Variants in TP53BP1 observed in about 807,000 individuals in gnomAD.
TP53BP1 encodes the protein TP53-binding protein 1.
TP53BP1 carries 61 observed loss-of-function variants against 200.8 expected under a neutral mutation model. That is an observed-to-expected ratio of 0.30 (90% CI 0.25 to 0.38). The LOEUF is 0.38. Ranked by LOEUF, TP53BP1 falls within the 10% of genes least tolerant of loss-of-function variation. The pLI is 1.00. For synonymous variants in TP53BP1, 822 were observed against 844.3 expected, an observed-to-expected ratio of 0.97 and a Z score of 0.46; for missense variants, 2,144 against 2,371.9, an observed-to-expected ratio of 0.90 and a Z score of 2.00.
Position 43,404,306 on chromosome 15 carries a change from G to A in TP53BP1, c.*3077C>T. The A allele has an allele frequency of 7.0e-7, 1 of 1,422,326 alleles. No individual in the cohort carries two copies. The highest frequency in any genetic ancestry group is 9.5e-7 in the Non-Finnish European group (1 of 1,051,392). The allele number at this position is 1,422,326 out of a possible 1,614,324, so 88.1% of individuals were successfully genotyped here. On this transcript the variant is annotated 3_prime_UTR_variant, in exon 28 of 28. Transcript: ENST00000382044. ...TGTGGGAAGGCCAGGTGGTTCTGTA[G>A]AATTTTGAACAAGGCTTTTCCAAGA...
At chr15:43,426,539 C>A (rs1169991937) in intron 18 of TP53BP1, among the ~76,000 whole-genome samples, 1 of 147,936 alleles carries the variant, frequency 6.8e-6, no homozygotes, top group Non-Finnish European at 1.5e-5. Flanking sequence ...AAACAAACAA[C>A]AATTCCTCAA....
At chr15:43,455,758 CAATT>C in intron 12 of TP53BP1, 130 bp downstream of exon 12, 1 of 1,160,682 alleles carries the variant, frequency 8.6e-7, no homozygotes, top group East Asian at 2.6e-5. Context: ...TTTAATTTCC[CAATT>C]ATTATTGGTT....
chr15:43,408,658 T>G (rs558274830), intron 26 of TP53BP1: 1 of 505,262 alleles, frequency 2.0e-6, no homozygotes, highest in South Asian at 2.5e-5. Context: ...TTCTCTGACT[T>G]TACAGGTTGA....
At chr15:43,438,487 A>ATTTCCTCTG in intron 15 of TP53BP1, 71 bp from the exon 16 acceptor site, 1 of 1,317,254 alleles carries the variant, frequency 7.6e-7, no homozygotes, top group Non-Finnish European at 1.1e-6. Flanking sequence ...TTATCCTTTT[A>ATTTCCTCTG]TGCACAGAGG....
In TP53BP1 at chr15:43,474,709, C is replaced by T. The variant is rs765177854; in HGVS notation, c.1144G>A (p.Val382Ile). 16 of 1,613,312 alleles carry T rather than the reference C, an allele frequency of 9.9e-6. No homozygotes were observed. Among genetic ancestry groups the T allele is most frequent in the East Asian group, 2.2e-5 (1 of 44,872 alleles). Residue 382 changes from valine to isoleucine, a missense_variant, in exon 10 of 28, where the codon GTT becomes ATT. By Grantham distance (29) the Val-to-Ile change is conservative. Coordinates refer to ENST00000382044, the MANE Select transcript of TP53BP1 (RefSeq NM_001141980.3). ...PDAFRSTPFI[V>I]PSSPTEQEGR... ...TCTTGCTCTGTGGGACTGCTAGGAA[C>T]GATAAAAGGAGTAGATCGGAAAGCA... is the stretch of plus-strand genomic sequence containing the variant.
At chr15:43,407,759 T>G in intron 27 of TP53BP1, 184 bp downstream of exon 27, 1 of 785,802 alleles carries the variant, frequency 1.3e-6, no homozygotes, top group South Asian at 1.9e-5. Flanking sequence ...TGTAGAAATA[T>G]TTAACAAATA....
chr15:43,465,168 C>T (rs2046542186), intron 11 of TP53BP1, among the ~76,000 whole-genome samples: 1 of 151,720 alleles, frequency 6.6e-6, no homozygotes, highest in African/African-American at 2.4e-5. Flanking sequence ...GTCTACTTTC[C>T]ATTTGTAGAC....
chr15:43,457,976 G>A (rs2046340383), intron 11 of TP53BP1, among the ~76,000 whole-genome samples: 1 of 151,760 alleles, frequency 6.6e-6, no homozygotes, highest in Non-Finnish European at 1.5e-5. Context: ...CCAAGATCGT[G>A]TCATTGCACT....
In TP53BP1 at chr15:43,405,291, G is replaced by A. The variant is rs2044831876; in HGVS notation, c.*2092C>T. The A allele has an allele frequency of 6.6e-7, 1 of 1,518,114 alleles. No individual in the cohort carries two copies. Among genetic ancestry groups the A allele is most frequent in the African/African-American group, 1.4e-5 (1 of 72,718 alleles). 94.0% of individuals were successfully genotyped at this position (1,518,114 alleles called of 1,614,324 possible). ...AGAAGATTCAAAACATCCCATTCTA[G>A]CCACACACAAATAAATATCTGCGGC... On this transcript the variant is annotated 3_prime_UTR_variant, in exon 28 of 28. Transcript: ENST00000382044.
chr15:43,506,676 T>C (rs1346898900), intron 1 of TP53BP1, among the ~76,000 whole-genome samples: 1 of 152,220 alleles, frequency 6.6e-6, no homozygotes, highest in Non-Finnish European at 1.5e-5. Flanking sequence ...CAAAAGATCA[T>C]ACTTGGTCAT....
chr15:43,503,853 T>A (rs1356978592), intron 1 of TP53BP1, among the ~76,000 whole-genome samples: 1 of 152,170 alleles, frequency 6.6e-6, no homozygotes, highest in Admixed American at 6.5e-5. Context: ...ATTGAAAATA[T>A]TCAGAAAAAA....
chr15:43,406,529 GC>G lies in TP53BP1; in HGVS notation c.*853del. On this transcript the variant is annotated 3_prime_UTR_variant, in exon 28 of 28. Transcript: ENST00000382044. ...CTATGGTTGCTTTCATGCCCTCACA[GC>G]AAAGGCGAGTAGTTGTGATGGATCA... is the stretch of plus-strand genomic sequence containing the variant. 2.2e-6 allele frequency: 1 copy of G among 452,932 alleles called. No homozygotes were observed. The highest frequency in any genetic ancestry group is 4.4e-6 in the Non-Finnish European group (1 of 225,704). 28.1% of individuals were successfully genotyped at this position (452,932 alleles called of 1,614,324 possible). A position where few individuals can be genotyped will look rare whatever the true frequency, so the allele number is the denominator to read the frequency against.
At chr15:43,503,032 C>CGTGA (rs1437910863) in intron 1 of TP53BP1, among the ~76,000 whole-genome samples, 1 of 128,432 alleles carries the variant, frequency 7.8e-6, no homozygotes, top group African/African-American at 4.4e-5. Flanking sequence ...GGATTACATG[C>CGTGA]GTGAGCCACC....
At chr15:43,447,575 G>A (rs1029206927) in intron 12 of TP53BP1, 90 bp from the exon 13 acceptor site, 2 of 1,184,630 alleles carry the variant, frequency 1.7e-6, no homozygotes, top group African/African-American at 1.6e-5. Flanking sequence ...AATAAGAACT[G>A]CAAGAAATAT....
rs1026655140 is a variant in TP53BP1 at position 43,476,604 on chromosome 15, G to A, written c.956-910C>T. 6.6e-4 allele frequency among the ~76,000 whole-genome samples: 100 copies of A among 152,188 alleles called. 6 individuals are homozygous for A. Among genetic ancestry groups the A allele is most frequent in the Non-Finnish European group, 1.5e-5 (1 of 68,030 alleles). ...GAGTATCAACTATATTAATCCCAGT[G>A]TAAAAGAATTTCTTAAATAAAACCT... On this transcript the variant is annotated intron_variant, in intron 8 of 27. Coordinates refer to ENST00000382044, the MANE Select transcript of TP53BP1 (RefSeq NM_001141980.3).
At chr15:43,474,806 G>A in intron 9 of TP53BP1, 39 bp from the exon 10 acceptor site, 1 of 1,436,826 alleles carries the variant, frequency 7.0e-7, no homozygotes, top group African/African-American at 1.4e-5. Flanking sequence ...TTTTACCATA[G>A]CCACAGTTTT....
chr15:43,408,612 G>A, intron 26 of TP53BP1: 2 of 406,212 alleles, frequency 4.9e-6, no homozygotes, highest in South Asian at 5.9e-5. Context: ...TCATGCTCCT[G>A]AGCCTATATA....
chr15:43,430,439 T>C (rs1260677707), intron 17 of TP53BP1, among the ~76,000 whole-genome samples: 2 of 148,620 alleles, frequency 1.3e-5, no homozygotes, highest in East Asian at 1.9e-4. Flanking sequence ...TAACATAAAA[T>C]ATATCATTGT....
rs2044770667 is a variant in TP53BP1 at position 43,404,019 on chromosome 15, T to C, written c.*3364A>G. The C allele has an allele frequency of 1.8e-6, 1 of 561,532 alleles. No individual in the cohort carries two copies. The highest frequency in any genetic ancestry group is 3.2e-6 in the Non-Finnish European group (1 of 315,454). The allele number at this position is 561,532 out of a possible 1,614,324, so 34.8% of individuals were successfully genotyped here. On this transcript the variant is annotated 3_prime_UTR_variant, in exon 28 of 28. Transcript: ENST00000382044. ...AAAAATAGTTCAGTCCTGAATAGTTTATTCAGCCCATCAAATAAGCATTGG... is the reference window on the plus strand; with the variant it reads ...AAAAATAGTTCAGTCCTGAATAGTTCATTCAGCCCATCAAATAAGCATTGG...
Sources: allele counts gnomAD v4.1 joint callset (sites outside exome capture counted in the v4.1 genomes callset), GRCh38; gene constraint gnomAD v4.1.1; transcripts MANE v1.5; gene names NCBI Gene and HGNC (gene_info 2026-07-23, HGNC 2026-07-21).